Variants in ANKS1A observed in about 807,000 individuals in gnomAD.
ANKS1A encodes the protein ankyrin repeat and sterile alpha motif domain containing 1A, also known as ankyrin repeat and SAM domain-containing protein 1A.
A neutral mutation model predicts 120.3 loss-of-function variants in ANKS1A; 55 were observed. That is an observed-to-expected ratio of 0.46 (90% CI 0.37 to 0.57). ANKS1A has a LOEUF of 0.57. Ranked by LOEUF, ANKS1A falls within the 20% of genes least tolerant of loss-of-function variation. The pLI, the probability that ANKS1A is intolerant of heterozygous loss-of-function variation, is 0.00. For missense variants in ANKS1A, 1,123 were observed against 1,480.3 expected, an observed-to-expected ratio of 0.76 and a Z score of 3.96; for synonymous variants, 590 against 604.7, an observed-to-expected ratio of 0.98 and a Z score of 0.36.
In ANKS1A at chr6:35,060,325, GGC is replaced by G; in HGVS notation, c.2184+73_2184+74del. Reference sequence around the variant, plus strand: ...AACAGGCCTCCCTGGCCTCCCCTCTGGCCCCACAGGAGTCTGCAACAGTACGT... The same window carrying G: ...AACAGGCCTCCCTGGCCTCCCCTCTGCCCACAGGAGTCTGCAACAGTACGT... On this transcript the variant is annotated intron_variant, in intron 13 of 23. Coordinates refer to ENST00000360359, the MANE Select transcript of ANKS1A (RefSeq NM_015245.3). This position sits in a 1 kb window ranked among gnomAD's most constrained non-coding sequence, Gnocchi z 4.5. The G allele has an allele frequency of 1.5e-6, 2 of 1,350,642 alleles. No homozygotes were observed. Among genetic ancestry groups the G allele is most frequent in the Non-Finnish European group, 2.1e-6 (2 of 963,590 alleles). 83.7% of individuals were successfully genotyped at this position (1,350,642 alleles called of 1,614,324 possible). A position where few individuals can be genotyped will look rare whatever the true frequency, so the allele number is the denominator to read the frequency against.
intron 1 of ANKS1A, among the ~76,000 whole-genome samples, chr6:34,894,675 G>T (rs1024989285): frequency 6.6e-6 from 1 of 151,866 alleles, no homozygotes; most frequent in African/African-American, 2.4e-5. Flanking sequence ...CCCAAAAAAA[G>T]AAGAAAAAAG....
intron 1 of ANKS1A, among the ~76,000 whole-genome samples, chr6:34,931,339 G>T (rs751991670): frequency 1.3e-5 from 2 of 151,828 alleles, no homozygotes; most frequent in African/African-American, 4.8e-5. Context: ...GTAGAGATGG[G>T]GTTTCACTAT....
intron 1 of ANKS1A, among the ~76,000 whole-genome samples, chr6:34,962,828 G>T (rs116378539): frequency 1.3e-5 from 2 of 151,230 alleles, no homozygotes; most frequent in African/African-American, 4.8e-5. Flanking sequence ...AAAAACACCA[G>T]CGCACTTAGT....
In ANKS1A at chr6:35,089,797, A is replaced by G. The variant is rs1168421032; in HGVS notation, c.*1188A>G. The G allele has an allele frequency of 9.8e-7, 1 of 1,023,482 alleles. No homozygotes were observed. Among genetic ancestry groups the G allele is most frequent in the Non-Finnish European group, 1.2e-6 (1 of 853,854 alleles). 63.4% of individuals were successfully genotyped at this position (1,023,482 alleles called of 1,614,324 possible). On this transcript the variant is annotated 3_prime_UTR_variant, in exon 24 of 24. Coordinates refer to ENST00000360359, the MANE Select transcript of ANKS1A (RefSeq NM_015245.3). ...CTGGACTAGAGTAGAAATGCAGGGG[A>G]AACTGCTGTGGATTTGAGAGGCAAA...
chr6:35,020,796 C>T (rs536130003), intron 11 of ANKS1A, among the ~76,000 whole-genome samples: 5 of 152,092 alleles, frequency 3.3e-5, no homozygotes, highest in Non-Finnish European at 7.4e-5. Flanking sequence ...GCTGATATCA[C>T]CTGTGCAGAT....
chr6:35,026,579 G>A (rs768827872), intron 11 of ANKS1A, among the ~76,000 whole-genome samples: 7 of 152,160 alleles, frequency 4.6e-5, no homozygotes, highest in Non-Finnish European at 1.0e-4. Context: ...TGCGGTGGGA[G>A]GATTGCTGCC....
chr6:34,921,330 A>G (rs1768422799), intron 1 of ANKS1A, among the ~76,000 whole-genome samples: 1 of 152,064 alleles, frequency 6.6e-6, no homozygotes, highest in African/African-American at 2.4e-5. Context: ...TCCTTAGTGG[A>G]TGAACATGGT....
chr6:35,014,034 A>C (rs1027269361), intron 10 of ANKS1A, among the ~76,000 whole-genome samples: 2 of 152,218 alleles, frequency 1.3e-5, no homozygotes, highest in Non-Finnish European at 2.9e-5. Context: ...AAGATCCCAG[A>C]ATTGCACAAA....
In ANKS1A at chr6:34,977,774, C is replaced by G. The variant is rs1250398124; in HGVS notation, c.436-3916C>G. On this transcript the variant is annotated intron_variant, in intron 3 of 23. Transcript: ENST00000360359. ...CAATCTCAGACCTAGTTTTTCCTTT[C>G]TTTCCATTATGGTATGTTTTTCTAG... Among the ~76,000 whole-genome samples the G allele has an allele frequency of 2.0e-5, 3 of 152,064 alleles. No homozygotes were observed. In the East Asian group the frequency reaches 5.8e-4, roughly 29 times the overall value.
intron 1 of ANKS1A, among the ~76,000 whole-genome samples, chr6:34,925,773 T>C (rs1768685934): frequency 1.3e-5 from 2 of 152,316 alleles, no homozygotes; most frequent in South Asian, 4.1e-4. Flanking sequence ...TTTTGGCACC[T>C]TCCCCATCCC....
intron 1 of ANKS1A, among the ~76,000 whole-genome samples, chr6:34,949,520 G>A (rs1769965039): frequency 1.3e-5 from 2 of 152,142 alleles, no homozygotes; most frequent in African/African-American, 4.8e-5. Flanking sequence ...GAGACTTGAG[G>A]CAGTCAAGCT....
intron 1 of ANKS1A, among the ~76,000 whole-genome samples, chr6:34,907,960 G>A (rs1767722279): frequency 6.6e-6 from 1 of 152,170 alleles, no homozygotes; most frequent in East Asian, 1.9e-4. Context: ...GGGAGGCTGA[G>A]TTGGGAGGAT....
rs1329813807 is a variant in ANKS1A at position 35,086,879 on chromosome 6, G to T, written c.3304-73G>T. ...ACAGGGGCCACAGCCTGGCCTGGGG[G>T]TGGGAGGGGCCTGCTGCCTCCAGCC... On this transcript the variant is annotated intron_variant, in intron 22 of 23. Transcript: ENST00000360359. The surrounding 1 kb of genome is among the most constrained non-coding windows in gnomAD (Gnocchi z 5.1). The T allele has an allele frequency of 6.3e-6, 9 of 1,438,092 alleles. No homozygotes were observed. Among genetic ancestry groups the T allele is most frequent in the Non-Finnish European group, 7.8e-6 (8 of 1,021,362 alleles). The allele number at this position is 1,438,092 out of a possible 1,614,324, so 89.1% of individuals were successfully genotyped here.
At chr6:34,983,040 C>T (rs974015003) in intron 5 of ANKS1A, 73 bp from the exon 6 acceptor site, 1 of 1,450,400 alleles carries the variant, frequency 6.9e-7, no homozygotes, top group Admixed American at 1.7e-5. Flanking sequence ...CCTTAAATGT[C>T]CTAAAATTTG....
intron 23 of ANKS1A, among the ~76,000 whole-genome samples, chr6:35,088,024 A>G (rs1778089357): frequency 6.6e-6 from 1 of 152,230 alleles, no homozygotes; most frequent in South Asian, 2.1e-4. Flanking sequence ...CTCACAGAAC[A>G]GAGCTGCTGG....
At chr6:35,067,045 C>T (rs1475236601) in intron 13 of ANKS1A, among the ~76,000 whole-genome samples, 2 of 152,150 alleles carry the variant, frequency 1.3e-5, no homozygotes, top group Non-Finnish European at 2.9e-5. Flanking sequence ...GGATTGGAAC[C>T]CCTTTCTACC....
rs6905263 is a variant in ANKS1A, at chr6:34,905,791, C to T, written c.197+16192C>T. ...TCAGTTTGATGTGTAACTACCTGAA[C>T]GAAATCCTTAAGTTTGAGTTAAGCC... On this transcript the variant is annotated intron_variant, in intron 1 of 23. Transcript: ENST00000360359. Among the ~76,000 whole-genome samples, 1,080 of 152,208 alleles carry T rather than the reference C, an allele frequency of 7.1e-3. 12 individuals carry two copies. The highest frequency in any genetic ancestry group is 0.022 in the African/African-American group (912 of 41,532).
At chr6:35,095,932 G>C (rs1379891630), downstream of ANKS1A, among the ~76,000 whole-genome samples, 1 of 152,140 alleles carries the variant, frequency 6.6e-6, no homozygotes, top group Non-Finnish European at 1.5e-5. Flanking sequence ...TCTTCCTTCA[G>C]GTCCCTGAAT....
At chr6:35,074,911 C>T (rs184486870) in intron 13 of ANKS1A, among the ~76,000 whole-genome samples, 143 of 152,304 alleles carry the variant, frequency 9.4e-4, no homozygotes, top group Non-Finnish European at 1.5e-3. Context: ...CCACACGGGG[C>T]GGGGGCCAAG....
Sources: allele counts gnomAD v4.1 joint callset (sites outside exome capture counted in the v4.1 genomes callset), GRCh38; gene constraint gnomAD v4.1.1; non-coding constraint Gnocchi (gnomAD v3.1); transcripts MANE v1.5; gene names NCBI Gene and HGNC (gene_info 2026-07-23, HGNC 2026-07-21).